The following CADM2 variants were observed in gnomAD, a reference collection of about 807,000 sequenced individuals.
The protein encoded by CADM2 is cell adhesion molecule 2, also known as immunoglobulin superfamily member 4D.
In CADM2, 12 loss-of-function variants were observed where a neutral mutation model predicts 49.8. That is an observed-to-expected ratio of 0.24 (90% CI 0.15 to 0.39). The LOEUF is 0.39. Among genes scored for constraint, CADM2 ranks in the 10% least tolerant of loss-of-function variants. The probability of loss-of-function intolerance (pLI) is 1.00; values close to 1 mark genes in which losing one functional copy is unlikely to be tolerated. For synonymous variants in CADM2, 214 were observed against 175.4 expected (o/e 1.22, Z -1.74); for missense variants, 378 against 492.3 (o/e 0.77, Z 2.20).
chr3:85,566,070 T>C (rs2062245691), intron 1 of CADM2, among the ~76,000 whole-genome samples: 1 of 152,130 alleles, frequency 6.6e-6, no homozygotes, highest in Non-Finnish European at 1.5e-5. Flanking sequence ...CTCTTAGAAA[T>C]ACATTGTTTT....
chr3:85,243,655 T>G (rs890814939), intron 1 of CADM2, among the ~76,000 whole-genome samples: 3 of 151,944 alleles, frequency 2.0e-5, no homozygotes, highest in Non-Finnish European at 4.4e-5. Context: ...GGTACCAGAG[T>G]GTTCAGCCAT....
chr3:85,150,619 T>C (rs2039891294), intron 1 of CADM2, among the ~76,000 whole-genome samples: 1 of 152,006 alleles, frequency 6.6e-6, no homozygotes, highest in South Asian at 2.1e-4. Flanking sequence ...AGAAAGTCAT[T>C]TGGGGCTGGG....
chr3:85,847,560 A>C (rs572091193), intron 3 of CADM2, among the ~76,000 whole-genome samples: 1 of 152,316 alleles, frequency 6.6e-6, no homozygotes, highest in African/African-American at 2.4e-5. Flanking sequence ...TTGGAGAAAT[A>C]ATTACTTAAA....
At chr3:85,852,525 A>C (rs2108295678) in intron 3 of CADM2, among the ~76,000 whole-genome samples, 1 of 152,200 alleles carries the variant, frequency 6.6e-6, no homozygotes, top group Non-Finnish European at 1.5e-5. Context: ...TGTCTTCAAA[A>C]AAGTCATGAA....
intron 1 of CADM2, among the ~76,000 whole-genome samples, chr3:85,130,756 G>T (rs1384471122): frequency 1.3e-5 from 2 of 152,120 alleles, no homozygotes; most frequent in Non-Finnish European, 2.9e-5. Flanking sequence ...GTTACTGATA[G>T]AAAGTTGAAA....
At chr3:85,505,857 T>C (rs2040327567) in intron 1 of CADM2, among the ~76,000 whole-genome samples, 2 of 152,184 alleles carry the variant, frequency 1.3e-5, no homozygotes, top group Admixed American at 6.5e-5. Flanking sequence ...CAATGAAACA[T>C]GTTTGGTATT....
chr3:85,130,289 A>G (rs774290105), intron 1 of CADM2, among the ~76,000 whole-genome samples: 2 of 152,200 alleles, frequency 1.3e-5, no homozygotes, highest in African/African-American at 2.4e-5. Flanking sequence ...CCAAAACCCA[A>G]TATATTTAAA....
chr3:85,272,984 G>T (rs2043276355), intron 1 of CADM2, among the ~76,000 whole-genome samples: 2 of 151,154 alleles, frequency 1.3e-5, no homozygotes. Flanking sequence ...ATTAGGAAAG[G>T]GTAACTGAAG....
chr3:86,007,128 C>T (rs1730898402), intron 8 of CADM2, among the ~76,000 whole-genome samples: 1 of 131,866 alleles, frequency 7.6e-6, no homozygotes, highest in Non-Finnish European at 1.6e-5. Context: ...ACCATTATCT[C>T]TCTACCACAA....
intron 1 of CADM2, among the ~76,000 whole-genome samples, chr3:85,509,168 G>A (rs1157537929): frequency 6.6e-6 from 1 of 152,066 alleles, no homozygotes; most frequent in African/African-American, 2.4e-5. Context: ...CATGAGAGCT[G>A]AACTAAAACT....
At chr3:86,017,328 T>A (rs1409054146) in intron 8 of CADM2, among the ~76,000 whole-genome samples, 2 of 151,990 alleles carry the variant, frequency 1.3e-5, no homozygotes. Flanking sequence ...CTCCTAGACA[T>A]GTTTTACTAA....
chr3:85,706,801 C>A lies in CADM2; in HGVS notation c.62-19721C>A, dbSNP rs533093520. Among the ~76,000 whole-genome samples, 43 of 152,088 alleles carry A rather than the reference C, an allele frequency of 2.8e-4. No homozygotes were observed. The Middle Eastern group carries it at 0.01, about 36-fold the overall frequency. The stretch of plus-strand genomic sequence containing the variant: ...GTTTTTTCCATGATGAAAACTTGAA[C>A]CCCATTAAAATGTACTCATTATTTG... On this transcript the variant is annotated intron_variant, in intron 1 of 9. Coordinates refer to ENST00000383699, the MANE Select transcript of CADM2 (RefSeq NM_001167675.2).
chr3:85,078,829 T>C (rs1220168516), intron 1 of CADM2, among the ~76,000 whole-genome samples: 1 of 151,878 alleles, frequency 6.6e-6, no homozygotes, highest in Non-Finnish European at 1.5e-5. Flanking sequence ...GTCACAAGAA[T>C]TTCTTTCATG....
intron 1 of CADM2, among the ~76,000 whole-genome samples, chr3:85,170,775 A>G (rs1179395620): frequency 6.6e-6 from 1 of 152,234 alleles, no homozygotes; most frequent in Non-Finnish European, 1.5e-5. Context: ...TGGCTCAGAC[A>G]GCTCTCACTA....
intron 1 of CADM2, among the ~76,000 whole-genome samples, chr3:85,658,988 G>C (rs971757390): frequency 6.6e-6 from 1 of 150,736 alleles, no homozygotes; most frequent in African/African-American, 2.4e-5. Context: ...GGAGCTTAAG[G>C]CTTCAGTGAA....
intron 1 of CADM2, among the ~76,000 whole-genome samples, chr3:85,532,822 C>T (rs2061344608): frequency 6.6e-6 from 1 of 152,188 alleles, no homozygotes; most frequent in African/African-American, 2.4e-5. Flanking sequence ...GAATACTATG[C>T]AGCCATAAAA....
At chr3:85,130,751 T>C (rs556649573) in intron 1 of CADM2, among the ~76,000 whole-genome samples, 1 of 152,234 alleles carries the variant, frequency 6.6e-6, no homozygotes, top group Non-Finnish European at 1.5e-5. Flanking sequence ...CTTAAGTTAC[T>C]GATAGAAAGT....
At chr3:85,672,191 CTTTT>C (rs5850710) in intron 1 of CADM2, among the ~76,000 whole-genome samples, 1 of 124,316 alleles carries the variant, frequency 8.0e-6, no homozygotes. Flanking sequence ...TCTAGGATGT[CTTTT>C]TTTTTTTTTT....
chr3:85,077,525 T>C (rs1411832785), intron 1 of CADM2, among the ~76,000 whole-genome samples: 1 of 152,106 alleles, frequency 6.6e-6, no homozygotes, highest in Non-Finnish European at 1.5e-5. Context: ...TTTAGGATGC[T>C]AACTCTATTC....
Sources: allele counts gnomAD v4.1 joint callset (sites outside exome capture counted in the v4.1 genomes callset), GRCh38; gene constraint gnomAD v4.1.1; transcripts MANE v1.5; gene names NCBI Gene and HGNC (gene_info 2026-07-23, HGNC 2026-07-21).